Variants in CNBD1 observed in about 807,000 individuals in gnomAD.
CNBD1 encodes the protein cyclic nucleotide binding domain containing 1.
A neutral mutation model predicts 54.4 loss-of-function variants in CNBD1; 71 were observed. The observed-to-expected ratio is 1.30, with a 90% CI of 1.08 to 1.59. The LOEUF (loss-of-function observed/expected upper bound fraction) is 1.59, where lower values mean the gene tolerates loss of function less well. Among genes scored for constraint, CNBD1 ranks in the 40% most tolerant of loss-of-function variants. The pLI is 0.00. For synonymous variants in CNBD1, 182 were observed against 170.7 expected, an observed-to-expected ratio of 1.07 and a Z score of -0.51; for missense variants, 659 against 518.0, an observed-to-expected ratio of 1.27 and a Z score of -2.64.
chr8:87,273,374 C>T (rs946359369), intron 6 of CNBD1, among the ~76,000 whole-genome samples: 6 of 137,746 alleles, frequency 4.4e-5, no homozygotes, highest in African/African-American at 1.2e-4. Context: ...TGCCTCTTTA[C>T]GATTAAGTAA....
intron 4 of CNBD1, among the ~76,000 whole-genome samples, chr8:86,948,251 A>T (rs1325836397): frequency 1.3e-5 from 2 of 152,068 alleles, no homozygotes; most frequent in African/African-American, 4.8e-5. Context: ...CAATATACTG[A>T]TTTCCTTTCT....
In CNBD1 at chr8:87,117,347, C is replaced by T. The variant is rs186452464; in HGVS notation, c.432-88646C>T. Among the ~76,000 whole-genome samples, 178 of 145,906 alleles carry T rather than the reference C, an allele frequency of 1.2e-3. 1 individual carries two copies. The highest frequency in any genetic ancestry group is 4.1e-3 in the African/African-American group (159 of 39,154). On this transcript the variant is annotated intron_variant, in intron 4 of 10. Coordinates refer to ENST00000518476, the MANE Select transcript of CNBD1 (RefSeq NM_173538.3). ...CCAGGAGGCAGAGGTTGCAGTGAGC[C>T]GAGACCGTGCCACTGCACTCCAGCC...
At chr8:87,409,806 A>G (rs749482331) in intron 2 of CNBD1, among the ~76,000 whole-genome samples, 2 of 151,952 alleles carry the variant, frequency 1.3e-5, no homozygotes, top group Non-Finnish European at 2.9e-5. Flanking sequence ...GAGGATTGCC[A>G]GATCTCAGGA....
At chr8:87,403,606 G>T (rs964776285) in intron 2 of CNBD1, among the ~76,000 whole-genome samples, 1 of 151,736 alleles carries the variant, frequency 6.6e-6, no homozygotes. Flanking sequence ...ATAAAATGTG[G>T]CTTAATCTGT....
chr8:87,129,624 A>G (rs562370083), intron 4 of CNBD1, among the ~76,000 whole-genome samples: 1 of 151,860 alleles, frequency 6.6e-6, no homozygotes, highest in Non-Finnish European at 1.5e-5. Context: ...GTTTTTCAAG[A>G]TGTAGCTTTA....
At chr8:87,369,843 AT>A (rs2130946330) in intron 10 of CNBD1, among the ~76,000 whole-genome samples, 2 of 152,072 alleles carry the variant, frequency 1.3e-5, no homozygotes, top group South Asian at 4.1e-4. Flanking sequence ...GTCATTTAGC[AT>A]TAGGTATATC....
At chr8:86,979,413 AAAAAAAAAAAAAAAAG>A (rs1479904709) in intron 4 of CNBD1, among the ~76,000 whole-genome samples, 2 of 145,788 alleles carry the variant, frequency 1.4e-5, no homozygotes, top group African/African-American at 5.1e-5. Flanking sequence ...AAAAAAAAAA[AAAAAAAAAAAAAAAAG>A]GCAAAAACAA....
At chr8:87,171,359 G>T (rs1813081888) in intron 4 of CNBD1, among the ~76,000 whole-genome samples, 1 of 151,640 alleles carries the variant, frequency 6.6e-6, no homozygotes, top group Non-Finnish European at 1.5e-5. Context: ...CTGTGGTATT[G>T]GTTGTAATAT....
chr8:87,157,478 G>A (rs1812765076), intron 4 of CNBD1, among the ~76,000 whole-genome samples: 1 of 152,194 alleles, frequency 6.6e-6, no homozygotes, highest in African/African-American at 2.4e-5. Context: ...CACGCATTAT[G>A]ACTGTCCTGT....
chr8:87,202,988 A>T (rs1021502203), intron 4 of CNBD1, among the ~76,000 whole-genome samples: 3 of 152,256 alleles, frequency 2.0e-5, no homozygotes, highest in East Asian at 1.9e-4. Context: ...ATCACAAAAA[A>T]TTTTTGACCA....
intron 4 of CNBD1, among the ~76,000 whole-genome samples, chr8:86,978,307 G>T (rs1808388561): frequency 6.6e-6 from 1 of 151,984 alleles, no homozygotes; most frequent in Non-Finnish European, 1.5e-5. Context: ...GCTTTCCATT[G>T]AGAAAACAAC....
At chr8:87,332,393 A>T (rs779297731) in intron 8 of CNBD1, among the ~76,000 whole-genome samples, 1 of 151,248 alleles carries the variant, frequency 6.6e-6, no homozygotes, top group African/African-American at 2.4e-5. Context: ...ATTAGGTCCC[A>T]TTTGTCAGTT....
intron 4 of CNBD1, among the ~76,000 whole-genome samples, chr8:87,173,223 A>G (rs1813125965): frequency 6.6e-6 from 1 of 152,140 alleles, no homozygotes; most frequent in Non-Finnish European, 1.5e-5. Context: ...ATTTCTATTT[A>G]TATCTCATTG....
chr8:86,968,441 A>G lies in CNBD1; in HGVS notation c.431+28687A>G, dbSNP rs542849215. Among the ~76,000 whole-genome samples, 12 of 152,314 alleles carry G rather than the reference A, an allele frequency of 7.9e-5. No homozygotes were observed. The South Asian group carries it at 2.5e-3, about 32-fold the overall frequency. ...TGAATAAAAATGTATTTTCTCTTTT[A>G]GAGACAAGACAATCAAAATCTGAAT... On this transcript the variant is annotated intron_variant, in intron 4 of 10. Transcript: ENST00000518476.
At chr8:86,961,613 C>G (rs924372028) in intron 4 of CNBD1, among the ~76,000 whole-genome samples, 2 of 152,202 alleles carry the variant, frequency 1.3e-5, no homozygotes, top group African/African-American at 4.8e-5. Context: ...CCTGGGATGT[C>G]CCCCTGTGGG....
At chr8:87,256,121 C>G (rs1353986440) in intron 6 of CNBD1, among the ~76,000 whole-genome samples, 1 of 143,998 alleles carries the variant, frequency 6.9e-6, no homozygotes, top group Non-Finnish European at 1.5e-5. Context: ...CTCCTGGGTT[C>G]AAGCGATTCT....
intron 4 of CNBD1, among the ~76,000 whole-genome samples, chr8:87,091,379 A>G (rs1811199787): frequency 6.6e-6 from 1 of 152,174 alleles, no homozygotes; most frequent in African/African-American, 2.4e-5. Flanking sequence ...GCACACATGT[A>G]GCATTGCTAT....
chr8:87,188,616 C>T (rs1015099539), intron 4 of CNBD1, among the ~76,000 whole-genome samples: 1 of 151,764 alleles, frequency 6.6e-6, no homozygotes, highest in African/African-American at 2.4e-5. Flanking sequence ...ATCCCAGCTA[C>T]TTGGGAGACC....
intron 8 of CNBD1, among the ~76,000 whole-genome samples, chr8:87,325,178 T>C (rs1161665653): frequency 1.0e-5 from 1 of 95,486 alleles, no homozygotes; most frequent in Admixed American, 9.1e-5. Context: ...TAGTTTGTTA[T>C]AATTTCTGTT....
Sources: allele counts gnomAD v4.1 joint callset (sites outside exome capture counted in the v4.1 genomes callset), GRCh38; gene constraint gnomAD v4.1.1; transcripts MANE v1.5; gene names NCBI Gene and HGNC (gene_info 2026-07-23, HGNC 2026-07-21).